The following GPC5 variants were observed in gnomAD, a reference collection of about 807,000 sequenced individuals.
GPC5 encodes the protein glypican-5.
A neutral mutation model predicts 53.9 loss-of-function variants in GPC5; 47 were observed. That is an observed-to-expected ratio of 0.87 (90% CI 0.69 to 1.11). The LOEUF (loss-of-function observed/expected upper bound fraction) is 1.11, where lower values mean the gene tolerates loss of function less well. Among genes scored for constraint, GPC5 ranks in the 50% most tolerant of loss-of-function variants. The pLI is 0.00. For missense variants in GPC5, 748 were observed against 713.1 expected (o/e 1.05, Z -0.56); for synonymous variants, 286 against 263.3 (o/e 1.09, Z -0.84).
At chr13:91,759,617 A>T (rs2037368038) in intron 5 of GPC5, among the ~76,000 whole-genome samples, 1 of 152,118 alleles carries the variant, frequency 6.6e-6, no homozygotes, top group South Asian at 2.1e-4. Context: ...ATGATTGAGA[A>T]TATGTGAAGT....
intron 7 of GPC5, among the ~76,000 whole-genome samples, chr13:92,767,607 T>C (rs1327849010): frequency 6.6e-6 from 1 of 152,248 alleles, no homozygotes; most frequent in East Asian, 1.9e-4. Context: ...CTTGTATTTC[T>C]CTTCACAGAA....
chr13:92,161,525 GTA>G (rs1225332351), intron 7 of GPC5, among the ~76,000 whole-genome samples: 1 of 152,014 alleles, frequency 6.6e-6, no homozygotes, highest in African/African-American at 2.4e-5. Flanking sequence ...AAAATAATAA[GTA>G]TGTGTATATT....
chr13:91,871,510 T>C (rs1006546905), intron 5 of GPC5, among the ~76,000 whole-genome samples: 13 of 152,008 alleles, frequency 8.6e-5, no homozygotes, highest in African/African-American at 2.9e-4. Flanking sequence ...AAAAAAAAGG[T>C]TAAAAAAAGA....
At chr13:92,353,032 G>A (rs1252456427) in intron 7 of GPC5, among the ~76,000 whole-genome samples, 1 of 151,616 alleles carries the variant, frequency 6.6e-6, no homozygotes, top group Non-Finnish European at 1.5e-5. Flanking sequence ...AGGCCGAGGC[G>A]GGTGGATCAT....
chr13:92,530,780 T>C lies in GPC5; in HGVS notation c.1562-335502T>C, dbSNP rs1467187708. ...ATACCTTCTTAAGAACTCATACTTG[T>C]GCACATTTCTGTATGTCTCTCCTAC... On this transcript the variant is annotated intron_variant, in intron 7 of 7. Transcript: ENST00000377067. 2.0e-5 allele frequency among the ~76,000 whole-genome samples: 3 copies of C among 152,230 alleles called. 1 individual carries two copies. Among genetic ancestry groups the C allele is most frequent in the Non-Finnish European group, 4.4e-5 (3 of 68,030 alleles).
At chr13:92,324,893 A>G (rs191320544) in intron 7 of GPC5, among the ~76,000 whole-genome samples, 24 of 151,952 alleles carry the variant, frequency 1.6e-4, no homozygotes, top group African/African-American at 5.6e-4. Context: ...GAAATAGTTT[A>G]TCATTATCTT....
intron 2 of GPC5, among the ~76,000 whole-genome samples, chr13:91,588,959 A>G (rs72641451): frequency 0.061 from 9,262 of 152,232 alleles, 356 homozygotes; most frequent in Non-Finnish European, 0.086. Context: ...TAGTTAATAT[A>G]GTCACTGAAT....
chr13:92,307,063 G>A (rs2043116014), intron 7 of GPC5, among the ~76,000 whole-genome samples: 1 of 152,188 alleles, frequency 6.6e-6, no homozygotes, highest in Admixed American at 6.5e-5. Context: ...AGATTCACAG[G>A]ATATTGGAAA....
rs562126726 is a variant in GPC5 at position 91,968,228 on chromosome 13, G to A, written c.1401+60171G>A. ...CCAAAAGCAAAATTATATTCCTCAT[G>A]TATTTTTTCCTATTTTAAAGTTTTT... On this transcript the variant is annotated intron_variant, in intron 6 of 7. Transcript: ENST00000377067. Among the ~76,000 whole-genome samples, 5 of 151,772 alleles carry A rather than the reference G, an allele frequency of 3.3e-5. No individual in the cohort carries two copies. In the East Asian group the frequency reaches 7.7e-4, roughly 23 times the overall value.
chr13:91,865,955 C>T (rs2039078912), intron 5 of GPC5, among the ~76,000 whole-genome samples: 2 of 152,198 alleles, frequency 1.3e-5, no homozygotes, highest in Admixed American at 1.3e-4. Flanking sequence ...GCAACATCTG[C>T]CTCCTGGGTT....
At chr13:92,772,434 C>G (rs1227997808) in intron 7 of GPC5, among the ~76,000 whole-genome samples, 7 of 152,214 alleles carry the variant, frequency 4.6e-5, no homozygotes, top group African/African-American at 7.2e-5. Flanking sequence ...GGCCTTTGCA[C>G]TTGCTGCTCT....
intron 6 of GPC5, among the ~76,000 whole-genome samples, chr13:92,079,103 G>A (rs2041275130): frequency 6.6e-6 from 1 of 152,004 alleles, no homozygotes. Flanking sequence ...CCAGGCTGGA[G>A]TGCAGTGGCA....
intron 7 of GPC5, among the ~76,000 whole-genome samples, chr13:92,239,525 C>A (rs1027591927): frequency 1.3e-5 from 2 of 151,964 alleles, no homozygotes; most frequent in Non-Finnish European, 2.9e-5. Context: ...TACACACCTT[C>A]TTTGCGTATA....
intron 7 of GPC5, among the ~76,000 whole-genome samples, chr13:92,482,003 C>T (rs968504404): frequency 6.6e-6 from 1 of 151,910 alleles, no homozygotes; most frequent in Non-Finnish European, 1.5e-5. Flanking sequence ...TCGGGGTGGG[C>T]ACCTGTAATC....
At chr13:92,197,783 TA>T (rs1429811481) in intron 7 of GPC5, among the ~76,000 whole-genome samples, 2 of 151,960 alleles carry the variant, frequency 1.3e-5, no homozygotes, top group Non-Finnish European at 2.9e-5. Context: ...CCCAAAGTCC[TA>T]GGATTACAGG....
intron 7 of GPC5, among the ~76,000 whole-genome samples, chr13:92,418,302 T>C (rs1195700791): frequency 1.3e-5 from 2 of 152,192 alleles, no homozygotes; most frequent in African/African-American, 2.4e-5. Flanking sequence ...GTGAGAATTA[T>C]ATGGTATATG....
intron 7 of GPC5, among the ~76,000 whole-genome samples, chr13:92,547,317 A>G (rs1882152897): frequency 6.6e-6 from 1 of 152,244 alleles, no homozygotes; most frequent in Admixed American, 6.5e-5. Flanking sequence ...GAAGTACTTT[A>G]GAGAAAAAAT....
intron 7 of GPC5, among the ~76,000 whole-genome samples, chr13:92,313,722 CAG>C (rs1346358554): frequency 6.6e-6 from 1 of 152,146 alleles, no homozygotes; most frequent in Non-Finnish European, 1.5e-5. Context: ...ACAAGCTAAT[CAG>C]AGTCAAGGAC....
intron 7 of GPC5, among the ~76,000 whole-genome samples, chr13:92,622,302 C>T (rs1226401711): frequency 5.9e-5 from 9 of 152,192 alleles, no homozygotes; most frequent in Admixed American, 5.2e-4. Context: ...TCTGAAACCT[C>T]CATTTCTGTT....
Sources: gnomAD v4.1 joint callset for allele counts (sites outside exome capture counted in the v4.1 genomes callset) on GRCh38, gnomAD v4.1.1 for gene constraint, MANE v1.5 for transcripts, NCBI Gene and HGNC (gene_info 2026-07-23, HGNC 2026-07-21) for gene names.